Variants in RGL3 observed in about 807,000 individuals in gnomAD.
RGL3 encodes ral guanine nucleotide dissociation stimulator like 3.
RGL3 carries 85 observed loss-of-function variants against 90.6 expected under a neutral mutation model. That is an observed-to-expected ratio of 0.94 (90% CI 0.79 to 1.12). RGL3 has a LOEUF of 1.12. RGL3 is among the 50% of genes most tolerant of loss of function. RGL3 has a pLI of 0.00. For missense variants in RGL3, 1,034 were observed against 939.2 expected, an observed-to-expected ratio of 1.10 and a Z score of -1.32; for synonymous variants, 408 against 385.5, an observed-to-expected ratio of 1.06 and a Z score of -0.68.
chr19:11,416,735 G>A (rs1969006055), intron 3 of RGL3, 68 bp from the exon 4 acceptor site: 1 of 1,593,960 alleles, frequency 6.3e-7, no homozygotes, highest in African/African-American at 1.3e-5. Flanking sequence ...AGGGCTCTGG[G>A]TCTGGGAGGT....
chr19:11,405,057 A>T, intron 9 of RGL3, 90 bp downstream of exon 9: 1 of 1,033,854 alleles, frequency 9.7e-7, no homozygotes, highest in Non-Finnish European at 1.5e-6. Flanking sequence ...GAGTGTCCTG[A>T]CTATAGCAGG....
At chr19:11,401,419 G>T (rs987999995) in intron 13 of RGL3, among the ~76,000 whole-genome samples, 5 of 146,660 alleles carry the variant, frequency 3.4e-5, no homozygotes, top group Non-Finnish European at 7.5e-5. Context: ...TTTTTGAGAC[G>T]GAGTCTCGCT....
Position 11,406,429 on chromosome 19 carries a change from C to A in RGL3, c.986G>T (p.Arg329Leu). Residue 329 changes from arginine to leucine, a missense_variant, in exon 7 of 19, where the codon CGC becomes CTC. Transcript: ENST00000380456. ...QRAQRLEKWI[R>L]IAQRCRELRN... ...GCGCCCGCAACACACCTGGGCGATG[C>A]GGATCCACTTCTCCAGCCGCTGCGC... 1 of 1,538,190 alleles carries A rather than the reference C, an allele frequency of 6.5e-7. No homozygotes were observed. The highest frequency in any genetic ancestry group is 2.4e-5 in the East Asian group (1 of 41,124).
chr19:11,414,905 G>A (rs949050816), intron 5 of RGL3, among the ~76,000 whole-genome samples: 2 of 151,996 alleles, frequency 1.3e-5, no homozygotes, highest in African/African-American at 4.8e-5. Context: ...GGGAGGCCAA[G>A]GCAGGCAGAT....
chr19:11,414,039 C>T (rs1416006270), intron 5 of RGL3, among the ~76,000 whole-genome samples: 2 of 147,484 alleles, frequency 1.4e-5, no homozygotes, highest in African/African-American at 5.0e-5. Flanking sequence ...AGCCGCCGCG[C>T]CCAGCCAATT....
chr19:11,405,865 T>G (rs1968768314), intron 7 of RGL3, among the ~76,000 whole-genome samples: 1 of 150,974 alleles, frequency 6.6e-6, no homozygotes, highest in Admixed American at 6.6e-5. Flanking sequence ...CCGGCTAATT[T>G]TTTTGTAAGT....
At chr19:11,405,087 C>T in intron 9 of RGL3, 60 bp downstream of exon 9, 1 of 1,413,238 alleles carries the variant, frequency 7.1e-7, no homozygotes, top group African/African-American at 1.4e-5. Context: ...CCTGCCTGGC[C>T]CCAAGTCCCT....
chr19:11,395,714 A>T (rs1015534275), intron 18 of RGL3, among the ~76,000 whole-genome samples: 3 of 150,878 alleles, frequency 2.0e-5, no homozygotes, highest in Admixed American at 6.6e-5. Flanking sequence ...TGCAACCTTC[A>T]CCTCCTGGGT....
chr19:11,414,161 A>ACC (rs1187100278), intron 5 of RGL3, among the ~76,000 whole-genome samples: 20 of 100,762 alleles, frequency 2.0e-4, no homozygotes, highest in East Asian at 8.0e-4. Flanking sequence ...ATATATATAT[A>ACC]TATATATATA....
At chr19:11,401,930 G>A (rs1968682274) in intron 13 of RGL3, 81 bp downstream of exon 13, 1 of 1,486,748 alleles carries the variant, frequency 6.7e-7, no homozygotes, top group Admixed American at 2.3e-5. Flanking sequence ...AGGAGCTGGA[G>A]GTGTGTATGG....
intron 5 of RGL3, among the ~76,000 whole-genome samples, chr19:11,414,160 T>C (rs1445618574): frequency 2.2e-4 from 21 of 97,586 alleles, no homozygotes; most frequent in East Asian, 8.7e-4. Context: ...TATATATATA[T>C]ATATATATAT....
chr19:11,416,056 G>T lies in RGL3; in HGVS notation c.518C>A (p.Thr173Asn), dbSNP rs369498294. Residue 173 changes from threonine (T) to asparagine (N), a missense_variant, in exon 5 of 19, where the codon ACC (threonine) becomes AAC (asparagine). Coordinates refer to ENST00000380456, the MANE Select transcript of RGL3 (RefSeq NM_001035223.4). ...PAHSDLGSVRTFLGWAAPGSA... is the reference protein window; with the variant it reads ...PAHSDLGSVRNFLGWAAPGSA... ...CCCTGGGGCCGCCCAGCCCAGAAAG[G>T]TTCGGACACTGCCCAGGTCCGAATG... 5 of 1,613,498 alleles carry T rather than the reference G, an allele frequency of 3.1e-6. No individual in the cohort carries two copies. In the Admixed American group the frequency reaches 8.4e-5, roughly 27 times the overall value.
rs1486869910 is a variant in RGL3, at chr19:11,403,589, A to G, written c.1186-883T>C. On this transcript the variant is annotated intron_variant, in intron 9 of 18. Transcript: ENST00000380456. ...CGGGAGGCGGAGGTTGGAGTGAGCCAAGATCGCACCATTGCACTCCAGCTT... is the reference window on the plus strand; with the variant it reads ...CGGGAGGCGGAGGTTGGAGTGAGCCGAGATCGCACCATTGCACTCCAGCTT... 2.0e-5 allele frequency among the ~76,000 whole-genome samples: 3 copies of G among 150,272 alleles called. No homozygotes were observed. The East Asian group carries it at 6.0e-4, about 30-fold the overall frequency.
Position 11,405,352 on chromosome 19 carries a change from C to G in RGL3, c.1071G>C (p.Arg357=), listed in dbSNP as rs939449139. 1 of 1,612,616 alleles carries G rather than the reference C, an allele frequency of 6.2e-7. No individual in the cohort carries two copies. Among genetic ancestry groups the G allele is most frequent in the African/African-American group, 1.3e-5 (1 of 74,980 alleles). The stretch of plus-strand genomic sequence containing the variant: ...TCACTGCCCCCCAGCTGCGCTTGAG[C>G]CGGTAGATGGGGTTAGATTGCAGGG... The part of the protein sequence containing the change: ...LSALQSNPIY[R]LKRSWGAVSR... The change falls in exon 8 of 19, where the codon CGG becomes CGC. Residue 357 remains arginine (R), a synonymous_variant. Transcript: ENST00000380456.
At chr19:11,413,231 GAA>G (rs765531257) in intron 5 of RGL3, among the ~76,000 whole-genome samples, 35 of 89,202 alleles carry the variant, frequency 3.9e-4, no homozygotes, top group Admixed American at 5.2e-4. Flanking sequence ...TTTTGAAAAA[GAA>G]AAAAAAAAAA....
intron 9 of RGL3, among the ~76,000 whole-genome samples, chr19:11,402,982 C>T (rs1014411688): frequency 6.6e-6 from 1 of 152,010 alleles, no homozygotes; most frequent in Non-Finnish European, 1.5e-5. Context: ...GTGGCTCACA[C>T]CTGTAGTCCC....
At chr19:11,406,335 GC>G in intron 7 of RGL3, 83 bp downstream of exon 7, 1 of 1,310,562 alleles carries the variant, frequency 7.6e-7, no homozygotes, top group East Asian at 2.5e-5. Flanking sequence ...GCCTAGACTC[GC>G]CCCTATCTCT....
intron 7 of RGL3, 51 bp from the exon 8 acceptor site, chr19:11,405,477 T>G (rs560285187): frequency 2.3e-6 from 1 of 430,524 alleles, no homozygotes; most frequent in South Asian, 2.0e-5. Flanking sequence ...CCACCTTTCA[T>G]CCTGAAACTT....
chr19:11,404,185 C>G (rs1324657541), intron 9 of RGL3, among the ~76,000 whole-genome samples: 1 of 152,172 alleles, frequency 6.6e-6, no homozygotes, highest in Non-Finnish European at 1.5e-5. Flanking sequence ...GCCCAGCTCA[C>G]GTGCTGTTCT....
Sources: allele counts gnomAD v4.1 joint callset (sites outside exome capture counted in the v4.1 genomes callset), GRCh38; gene constraint gnomAD v4.1.1; transcripts MANE v1.5; gene names NCBI Gene and HGNC (gene_info 2026-07-23, HGNC 2026-07-21).